Variants in HYCC1 observed in about 807,000 individuals in gnomAD.
The protein encoded by HYCC1 is hyccin.
the HYCC1 span, among the ~76,000 whole-genome samples, chr7:22,951,928 A>G: frequency 6.6e-6 from 1 of 152,158 alleles, no homozygotes; most frequent in African/African-American, 2.4e-5. Flanking sequence ...TACTGGAATT[A>G]TAAGTAAATA....
At chr7:22,973,120 G>A in the HYCC1 span, among the ~76,000 whole-genome samples, 5 of 152,118 alleles carry the variant, frequency 3.3e-5, no homozygotes, top group Non-Finnish European at 5.9e-5. Flanking sequence ...AGGATTAGAT[G>A]GCCCATGTAA....
chr7:23,007,402 A>G, the HYCC1 span, among the ~76,000 whole-genome samples: 1 of 152,144 alleles, frequency 6.6e-6, no homozygotes, highest in Non-Finnish European at 1.5e-5. Flanking sequence ...GTAGAATAGA[A>G]ATAATAATCT....
At chr7:22,974,738 G>A in the HYCC1 span, among the ~76,000 whole-genome samples, 4 of 152,128 alleles carry the variant, frequency 2.6e-5, no homozygotes, top group Non-Finnish European at 4.4e-5. Context: ...TGGTTTGGCT[G>A]TGTCCCTACT....
chr7:22,903,434 A>C, the HYCC1 span, among the ~76,000 whole-genome samples: 1 of 152,196 alleles, frequency 6.6e-6, no homozygotes, highest in South Asian at 2.1e-4. Context: ...GAATATTATG[A>C]AAAACCTTAT....
the HYCC1 span, among the ~76,000 whole-genome samples, chr7:22,924,646 C>G: frequency 4.6e-5 from 7 of 152,248 alleles, no homozygotes; most frequent in Non-Finnish European, 8.8e-5. Context: ...GGGGCACCCG[C>G]CATTGCTCAG....
the HYCC1 span, among the ~76,000 whole-genome samples, chr7:22,994,713 C>T: frequency 2.0e-5 from 3 of 152,264 alleles, no homozygotes; most frequent in Non-Finnish European, 4.4e-5. Context: ...TCCTGCAGAA[C>T]TCAAAAGGGA....
the HYCC1 span, among the ~76,000 whole-genome samples, chr7:22,989,285 AAC>A: frequency 0.036 from 5,405 of 148,576 alleles, 109 homozygotes; most frequent in South Asian, 0.049. Context: ...ACAAGCAGGA[AAC>A]ACACACACAC....
At chr7:22,946,496 T>C in the HYCC1 span, among the ~76,000 whole-genome samples, 1 of 152,026 alleles carries the variant, frequency 6.6e-6, no homozygotes, top group African/African-American at 2.4e-5. Context: ...GGGTGAACTC[T>C]CCTTCAGTAG....
chr7:22,928,232 C>T, the HYCC1 span, among the ~76,000 whole-genome samples: 6 of 152,162 alleles, frequency 3.9e-5, no homozygotes, highest in Non-Finnish European at 8.8e-5. Flanking sequence ...CAATATCATA[C>T]TGAATGGACA....
chr7:22,907,383 G>C, the HYCC1 span, among the ~76,000 whole-genome samples: 2 of 152,298 alleles, frequency 1.3e-5, no homozygotes, highest in East Asian at 3.9e-4. Flanking sequence ...ACCTTAGCCT[G>C]TCCAGGCAAC....
At chr7:22,937,936 G>C in the HYCC1 span, 1 of 152,296 alleles carries the variant, frequency 6.6e-6, no homozygotes, top group East Asian at 1.9e-4. Context: ...GGTACGATCA[G>C]TTAGCATGCC....
At chr7:23,012,499 G>A in the HYCC1 span, among the ~76,000 whole-genome samples, 1 of 152,114 alleles carries the variant, frequency 6.6e-6, no homozygotes, top group Non-Finnish European at 1.5e-5. Flanking sequence ...TCCAGAATTT[G>A]TTTCCTAAAT....
the HYCC1 span, chr7:22,942,715 C>G: frequency 3.9e-5 from 6 of 152,174 alleles, no homozygotes; most frequent in Non-Finnish European, 5.9e-5. Context: ...CTTAGGAGAT[C>G]TGTGACCATC....
chr7:23,002,034 T>G, the HYCC1 span, among the ~76,000 whole-genome samples: 2 of 151,170 alleles, frequency 1.3e-5, no homozygotes, highest in African/African-American at 4.9e-5. Flanking sequence ...TGAAATTTTC[T>G]CTTCACAAAG....
chr7:22,908,712 C>A, the HYCC1 span, among the ~76,000 whole-genome samples: 1 of 152,174 alleles, frequency 6.6e-6, no homozygotes, highest in Non-Finnish European at 1.5e-5. Context: ...AGAGGTCTGG[C>A]CTTTACTCTC....
chr7:22,924,195 A>AG, the HYCC1 span, among the ~76,000 whole-genome samples: 98 of 136,654 alleles, frequency 7.2e-4, 4 homozygotes, highest in South Asian at 9.3e-4. Context: ...AAAAAAAAAA[A>AG]GGGGGGTGGA....
the HYCC1 span, among the ~76,000 whole-genome samples, chr7:22,970,037 C>G: frequency 6.6e-6 from 1 of 152,118 alleles, no homozygotes; most frequent in Non-Finnish European, 1.5e-5. Context: ...ATTTGCATGG[C>G]TCTAGGATGG....
At chr7:22,983,115 G>T in the HYCC1 span, among the ~76,000 whole-genome samples, 3 of 151,998 alleles carry the variant, frequency 2.0e-5, no homozygotes, top group Non-Finnish European at 4.4e-5. Context: ...GATTGCTTGA[G>T]CCCAGGAGTT....
the HYCC1 span, among the ~76,000 whole-genome samples, chr7:23,009,265 A>G: frequency 1.3e-5 from 2 of 152,118 alleles, no homozygotes; most frequent in Non-Finnish European, 2.9e-5. Context: ...ATTTCCTACA[A>G]TGATTATTAT....
Sources: allele counts gnomAD v4.1 joint callset (sites outside exome capture counted in the v4.1 genomes callset), GRCh38; gene constraint gnomAD v4.1.1; transcripts MANE v1.5; gene names NCBI Gene and HGNC (gene_info 2026-07-23, HGNC 2026-07-21).